Variants in TXNL4A observed in about 807,000 individuals in gnomAD.
TXNL4A encodes thioredoxin-like protein 4A.
In TXNL4A, 17 loss-of-function variants were observed where a neutral mutation model predicts 14.6. That is an observed-to-expected ratio of 1.16 (90% confidence interval 0.80 to 1.74). The LOEUF is 1.74. Ranked by LOEUF, TXNL4A falls within the 40% of genes most tolerant of loss-of-function variation. The pLI, the probability that TXNL4A is intolerant of heterozygous loss-of-function variation, is 0.00. For missense variants in TXNL4A, 74 were observed against 195.2 expected, an observed-to-expected ratio of 0.38 and a Z score of 3.70; for synonymous variants, 83 against 70.6, an observed-to-expected ratio of 1.18 and a Z score of -0.88.
chr18:80,001,742 G>A (rs541281999), intron 1 of TXNL4A, among the ~76,000 whole-genome samples: 30 of 152,184 alleles, frequency 2.0e-4, no homozygotes, highest in African/African-American at 5.8e-4. Context: ...CTCTAATTTC[G>A]AATGGCTGTA....
chr18:80,003,058 G>A (rs1429637416), intron 1 of TXNL4A, among the ~76,000 whole-genome samples: 3 of 152,264 alleles, frequency 2.0e-5, no homozygotes, highest in Non-Finnish European at 1.5e-5. Flanking sequence ...GAGCTGTCCT[G>A]GGAGATGGGT....
chr18:79,988,116 T>C (rs983975939), intron 1 of TXNL4A, 124 bp downstream of exon 1: 4 of 1,206,466 alleles, frequency 3.3e-6, no homozygotes, highest in Non-Finnish European at 4.3e-6. Context: ...AGGAATCGCC[T>C]GAACGACGGA....
At chr18:79,973,939 A>G in intron 2 of TXNL4A, 83 bp from the exon 3 acceptor site, 1 of 1,554,108 alleles carries the variant, frequency 6.4e-7, no homozygotes, top group African/African-American at 1.4e-5. Context: ...TATTTTTCCC[A>G]CTGTGACAAG....
At position 79,994,245 on chromosome 18, in the gene TXNL4A, A is replaced by G. The variant is rs543705141; in HGVS notation, c.-60-16544T>C. On this transcript the variant is annotated intron_variant, in intron 1 of 2. Transcript: ENST00000585474. ...AAATGGGGATCTTTTGAGATGCCCA[A>G]TTTAGTGTACCCGCGAACCAGAATG... is the stretch of plus-strand genomic sequence containing the variant. Among the ~76,000 whole-genome samples, 6 of 152,330 alleles carry G rather than the reference A, an allele frequency of 3.9e-5. No individual in the cohort carries two copies. The South Asian group carries it at 1.2e-3, about 32-fold the overall frequency.
At chr18:79,988,146 G>A (rs769126707) in intron 1 of TXNL4A, 94 bp downstream of exon 1, 1 of 1,306,602 alleles carries the variant, frequency 7.7e-7, no homozygotes, top group Non-Finnish European at 9.9e-7. Flanking sequence ...CCTCCTCGGG[G>A]AACAGCTCGC....
intron 1 of TXNL4A, among the ~76,000 whole-genome samples, chr18:80,016,261 AG>A (rs2051808680): frequency 6.6e-6 from 1 of 152,180 alleles, no homozygotes; most frequent in Non-Finnish European, 1.5e-5. Context: ...TCTGGATATT[AG>A]CCCTTTGTCA....
intron 1 of TXNL4A, among the ~76,000 whole-genome samples, chr18:80,015,462 T>C (rs1263849872): frequency 6.6e-6 from 1 of 151,694 alleles, no homozygotes; most frequent in Non-Finnish European, 1.5e-5. Flanking sequence ...CTGCACCCAT[T>C]AACTCGTCAT....
chr18:80,014,103 T>C (rs757468736), intron 1 of TXNL4A, among the ~76,000 whole-genome samples: 17 of 152,072 alleles, frequency 1.1e-4, no homozygotes, highest in Non-Finnish European at 2.2e-4. Context: ...CCACAACATG[T>C]AGGAATTCTG....
intron 1 of TXNL4A, among the ~76,000 whole-genome samples, chr18:80,002,340 A>C (rs933210702): frequency 3.3e-5 from 5 of 152,208 alleles, no homozygotes; most frequent in African/African-American, 9.7e-5. Flanking sequence ...AATATGTTCC[A>C]CCAAATCCAG....
At chr18:80,031,560 C>T (rs1009529699) in intron 1 of TXNL4A, among the ~76,000 whole-genome samples, 18 of 152,174 alleles carry the variant, frequency 1.2e-4, no homozygotes, top group African/African-American at 4.1e-4. Context: ...AATCTTTGTA[C>T]CACAGATAGC....
At chr18:80,000,899 C>T (rs1461630696) in intron 1 of TXNL4A, among the ~76,000 whole-genome samples, 1 of 152,198 alleles carries the variant, frequency 6.6e-6, no homozygotes, top group African/African-American at 2.4e-5. Context: ...AGTGATCTGC[C>T]TGCCTTGGCC....
intron 1 of TXNL4A, among the ~76,000 whole-genome samples, chr18:80,019,769 C>G (rs1833318560): frequency 6.6e-6 from 1 of 152,206 alleles, no homozygotes; most frequent in Non-Finnish European, 1.5e-5. Flanking sequence ...TTTTCCTCTG[C>G]TTTTAAAGCA....
intron 1 of TXNL4A, among the ~76,000 whole-genome samples, chr18:80,015,733 T>A (rs961060403): frequency 5.3e-5 from 8 of 150,884 alleles, no homozygotes; most frequent in African/African-American, 1.5e-4. Context: ...GGTGTATATG[T>A]GCCACATTTT....
rs11664946 is a variant in TXNL4A at position 79,970,825 on chromosome 18, A to G, written c.*2860T>C. On this transcript the variant is annotated 3_prime_UTR_variant, in exon 3 of 3. Transcript: ENST00000269601. ...AAACTTACAAATGTGGAATGTAATTATTTTATCTTTTTCTGGTAACGCCAG... is the reference window on the plus strand; with the variant it reads ...AAACTTACAAATGTGGAATGTAATTGTTTTATCTTTTTCTGGTAACGCCAG... 157,463 of 200,982 alleles carry G rather than the reference A, an allele frequency of 0.78. 63,008 individuals are homozygous for G. The highest frequency in any genetic ancestry group is 0.91 in the East Asian group (8,940 of 9,786). 12.4% of individuals were successfully genotyped at this position (200,982 alleles called of 1,614,324 possible).
At chr18:80,029,333 C>T (rs78082419) in intron 1 of TXNL4A, among the ~76,000 whole-genome samples, 138 of 152,258 alleles carry the variant, frequency 9.1e-4, no homozygotes, top group Non-Finnish European at 1.4e-3. Flanking sequence ...CCCAGGGTCA[C>T]TTTCCCCTTC....
Position 80,006,000 on chromosome 18 carries a change from T to C in TXNL4A, c.-61+27851A>G, listed in dbSNP as rs556207411. On this transcript the variant is annotated intron_variant, in intron 1 of 2. Coordinates refer to the TXNL4A transcript ENST00000585474. ...CTTTATCTAGTGTGGGGACACAATT[T>C]TGTAGTCCCAAGTACTCAGGAGGCT... Among the ~76,000 whole-genome samples, 12 of 151,958 alleles carry C rather than the reference T, an allele frequency of 7.9e-5. No individual in the cohort carries two copies. In the South Asian group the frequency reaches 2.5e-3, roughly 32 times the overall value.
At position 80,018,121 on chromosome 18, in the gene TXNL4A, T is replaced by G. The variant is rs563016291; in HGVS notation, c.-61+15730A>C. On this transcript the variant is annotated intron_variant, in intron 1 of 2. Transcript: ENST00000585474. ...GTGTATGTGTCAAGGAATTTATCCA[T>G]TATAACAAACTGTCTCTCAGACCAC... Among the ~76,000 whole-genome samples the G allele has an allele frequency of 5.3e-5, 8 of 152,324 alleles. No homozygotes were observed. The East Asian group carries it at 1.2e-3, about 22-fold the overall frequency.
chr18:80,006,582 A>G (rs1376253765), intron 1 of TXNL4A, among the ~76,000 whole-genome samples: 1 of 152,174 alleles, frequency 6.6e-6, no homozygotes, highest in East Asian at 1.9e-4. Flanking sequence ...ATAAAAGTTG[A>G]AAGAGGCCTG....
chr18:79,979,964 C>A (rs2051438601), intron 1 of TXNL4A, among the ~76,000 whole-genome samples: 3 of 152,156 alleles, frequency 2.0e-5, no homozygotes, highest in African/African-American at 4.8e-5. Flanking sequence ...GTCCTAAACC[C>A]CCAAAGTGAC....
Sources: allele counts gnomAD v4.1 joint callset (sites outside exome capture counted in the v4.1 genomes callset), GRCh38; gene constraint gnomAD v4.1.1; transcripts MANE v1.5; gene names NCBI Gene and HGNC (gene_info 2026-07-23, HGNC 2026-07-21).